Variants in DBT observed in about 807,000 individuals in gnomAD.
DBT encodes lipoamide acyltransferase component of branched-chain alpha-keto acid dehydrogenase complex, mitochondrial.
DBT carries 40 observed loss-of-function variants against 51.3 expected under a neutral mutation model. That is an observed-to-expected ratio of 0.78 (90% CI 0.61 to 1.02). DBT has a LOEUF of 1.02. Among genes scored for constraint, DBT ranks in the 50% least tolerant of loss-of-function variants. The pLI is 0.00. For synonymous variants in DBT, 181 were observed against 190.4 expected (o/e 0.95, Z 0.41); for missense variants, 510 against 580.2 (o/e 0.88, Z 1.24).
At position 100,195,519 on chromosome 1, in the gene DBT, A is replaced by G. The variant is rs1027431838; in HGVS notation, c.*736T>C. ...ATAATTGCACTTATTTCATACAACA[A>G]TTAGCATAATAACGGAAATGGAAAA... On this transcript the variant is annotated 3_prime_UTR_variant, in exon 11 of 11. Transcript: ENST00000370132. 1 of 152,292 alleles carries G rather than the reference A, an allele frequency of 6.6e-6. No homozygotes were observed. Among genetic ancestry groups the G allele is most frequent in the Non-Finnish European group, 1.5e-5 (1 of 68,088 alleles). The allele number at this position is 152,292 out of a possible 1,614,324, so 9.4% of individuals were successfully genotyped here.
intron 10 of DBT, among the ~76,000 whole-genome samples, chr1:100,204,147 G>T (rs759461959): frequency 2.0e-5 from 3 of 152,154 alleles, no homozygotes; most frequent in Non-Finnish European, 4.4e-5. Context: ...TCTATAGGAA[G>T]AGAGGAAGTC....
Position 100,196,093 on chromosome 1 carries a change from T to G in DBT, c.*162A>C. ...CCATTACACCATTATTCATTTTCAG[T>G]AAAAAGTCTAATAGAACAGTGACAA... On this transcript the variant is annotated 3_prime_UTR_variant, in exon 11 of 11. Transcript: ENST00000370132. The G allele has an allele frequency of 1.4e-6, 1 of 698,364 alleles. No homozygotes were observed. The highest frequency in any genetic ancestry group is 2.7e-5 in the East Asian group (1 of 37,022). The allele number at this position is 698,364 out of a possible 1,614,324, so 43.3% of individuals were successfully genotyped here.
chr1:100,203,902 C>A (rs1282283929), intron 10 of DBT, among the ~76,000 whole-genome samples: 3 of 152,048 alleles, frequency 2.0e-5, no homozygotes, highest in Admixed American at 1.3e-4. Flanking sequence ...AATTTAACAC[C>A]CCTTCATGCT....
At chr1:100,204,852 C>A (rs533513742) in intron 10 of DBT, among the ~76,000 whole-genome samples, 2 of 152,058 alleles carry the variant, frequency 1.3e-5, no homozygotes, top group African/African-American at 2.4e-5. Context: ...ACAAGCAATG[C>A]GGAAAGGATT....
chr1:100,238,870 T>C (rs532277837), intron 2 of DBT, among the ~76,000 whole-genome samples: 1 of 152,104 alleles, frequency 6.6e-6, no homozygotes, highest in Non-Finnish European at 1.5e-5. Flanking sequence ...GTTGAAGGCA[T>C]GTGTGTAGAT....
At chr1:100,247,415 T>G (rs1260800871) in intron 1 of DBT, among the ~76,000 whole-genome samples, 1 of 152,072 alleles carries the variant, frequency 6.6e-6, no homozygotes, top group Non-Finnish European at 1.5e-5. Flanking sequence ...CAAGAGAAAC[T>G]GGGCCAGGGG....
intron 4 of DBT, among the ~76,000 whole-genome samples, chr1:100,228,498 C>T (rs1470183491): frequency 6.6e-6 from 1 of 152,208 alleles, no homozygotes; most frequent in African/African-American, 2.4e-5. Context: ...GTGGCTCATG[C>T]CTGTAATTCC....
At chr1:100,226,603 A>C (rs989974475) in intron 4 of DBT, among the ~76,000 whole-genome samples, 3 of 152,072 alleles carry the variant, frequency 2.0e-5, no homozygotes, top group African/African-American at 7.2e-5. Flanking sequence ...CTTTCAAAAG[A>C]AATTTAGAAT....
intron 3 of DBT, among the ~76,000 whole-genome samples, chr1:100,231,133 A>C (rs1663538055): frequency 6.6e-6 from 1 of 152,326 alleles, no homozygotes; most frequent in East Asian, 1.9e-4. Flanking sequence ...AGCAATTCAC[A>C]GTCTATAATC....
rs576585840 is a variant in DBT, at chr1:100,194,773, C to T, written c.*1482G>A. On this transcript the variant is annotated 3_prime_UTR_variant, in exon 11 of 11. Transcript: ENST00000370132. ...GGATTACAGTTACAAGTCATCACAC[C>T]TGGCTGATTTATTCTTTCCTGATTT... The T allele has an allele frequency of 2.0e-5, 3 of 152,328 alleles. No individual in the cohort carries two copies. The East Asian group carries it at 5.8e-4, about 29-fold the overall frequency. The allele number at this position is 152,328 out of a possible 1,614,324, so 9.4% of individuals were successfully genotyped here. A position where few individuals can be genotyped will look rare whatever the true frequency, so the allele number is the denominator to read the frequency against.
chr1:100,225,052 T>TATATATACACACAC (rs1185819980), intron 4 of DBT, among the ~76,000 whole-genome samples: 1 of 79,034 alleles, frequency 1.3e-5, no homozygotes, highest in African/African-American at 5.0e-5. Context: ...AATATATATA[T>TATATATACACACAC]ACACACACAC....
At chr1:100,212,841 G>C (rs1662236148) in intron 7 of DBT, among the ~76,000 whole-genome samples, 1 of 152,168 alleles carries the variant, frequency 6.6e-6, no homozygotes, top group Non-Finnish European at 1.5e-5. Context: ...GGTAAGAATG[G>C]AGAGGCAGGC....
chr1:100,218,749 T>C lies in DBT; in HGVS notation c.434-2A>G, dbSNP rs1662642212. The C allele has an allele frequency of 6.2e-7, 1 of 1,613,836 alleles. No individual in the cohort carries two copies. Among genetic ancestry groups the C allele is most frequent in the Non-Finnish European group, 8.5e-7 (1 of 1,179,848 alleles). On this transcript the variant is annotated splice_acceptor_variant, in intron 4 of 10. Transcript: ENST00000370132. LOFTEE classifies it high-confidence loss of function. ...TTTCAACAACATCTTCTTCTGAATC[T>C]GGTAACAAGGTAAAACTTAACTTCA... is the stretch of plus-strand genomic sequence containing the variant.
chr1:100,242,909 G>C lies in DBT; in HGVS notation c.52-2025C>G, dbSNP rs201255146. The stretch of plus-strand genomic sequence containing the variant: ...ACAACTCGTATTGAACTATTCATGG[G>C]TCGGGGCAGCATAAACCACCACGCT... On this transcript the variant is annotated intron_variant, in intron 1 of 10. Coordinates refer to ENST00000370132, the MANE Select transcript of DBT (RefSeq NM_001918.5). Among the ~76,000 whole-genome samples the C allele has an allele frequency of 2.8e-5, 4 of 143,438 alleles. No individual in the cohort carries two copies. The South Asian group carries it at 8.9e-4, about 32-fold the overall frequency. 94.1% of individuals were successfully genotyped at this position (143,438 alleles called of 152,430 possible).
At chr1:100,228,004 C>T (rs1427994227) in intron 4 of DBT, among the ~76,000 whole-genome samples, 1 of 151,990 alleles carries the variant, frequency 6.6e-6, no homozygotes, top group African/African-American at 2.4e-5. Flanking sequence ...TGCCACCACA[C>T]CCGGCTAATT....
At chr1:100,201,297 G>T (rs1165874972) in intron 10 of DBT, among the ~76,000 whole-genome samples, 1 of 151,894 alleles carries the variant, frequency 6.6e-6, no homozygotes, top group East Asian at 1.9e-4. Context: ...CGGAAGAAAG[G>T]ATATCAGAGA....
At chr1:100,247,876 C>T (rs572379574) in intron 1 of DBT, among the ~76,000 whole-genome samples, 3 of 148,954 alleles carry the variant, frequency 2.0e-5, no homozygotes, top group African/African-American at 7.4e-5. Context: ...CCAAGGCAGG[C>T]GGATCACTTG....
intron 5 of DBT, among the ~76,000 whole-genome samples, chr1:100,216,610 A>T (rs1241986169): frequency 6.6e-6 from 1 of 152,180 alleles, no homozygotes; most frequent in Non-Finnish European, 1.5e-5. Flanking sequence ...CAAGTATTTT[A>T]AAATCTCTTG....
chr1:100,219,750 A>G (rs987996992), intron 4 of DBT, among the ~76,000 whole-genome samples: 5 of 152,162 alleles, frequency 3.3e-5, no homozygotes, highest in African/African-American at 1.2e-4. Flanking sequence ...CCCAGTCTCA[A>G]AAAAAACCGC....
Sources: gnomAD v4.1 joint callset for allele counts (sites outside exome capture counted in the v4.1 genomes callset) on GRCh38, gnomAD v4.1.1 for gene constraint, MANE v1.5 for transcripts, NCBI Gene and HGNC (gene_info 2026-07-23, HGNC 2026-07-21) for gene names.